Variants in CFAP44 observed in about 807,000 individuals in gnomAD.
CFAP44 encodes cilia and flagella associated protein 44.
In CFAP44, 134 loss-of-function variants were observed where a neutral mutation model predicts 216.2. That is an observed-to-expected ratio of 0.62 (90% confidence interval 0.54 to 0.72). The LOEUF (loss-of-function observed/expected upper bound fraction) is 0.72, where lower values mean the gene tolerates loss of function less well. CFAP44 is among the 30% of genes least tolerant of loss of function. CFAP44 has a pLI of 0.00. For synonymous variants in CFAP44, 700 were observed against 727.6 expected (o/e 0.96, Z 0.61); for missense variants, 2,035 against 2,182.1 (o/e 0.93, Z 1.34).
intron 18 of CFAP44, among the ~76,000 whole-genome samples, chr3:113,366,842 T>G (rs1932949495): frequency 6.6e-6 from 1 of 152,098 alleles, no homozygotes; most frequent in Non-Finnish European, 1.5e-5. Flanking sequence ...CCTGGAAAAA[T>G]GGTACACTTC....
At chr3:113,319,881 A>G (rs944055783) in intron 28 of CFAP44, among the ~76,000 whole-genome samples, 1 of 152,182 alleles carries the variant, frequency 6.6e-6, no homozygotes, top group East Asian at 1.9e-4. Context: ...AATGACAAAG[A>G]TGGCATTACA....
rs1935165919 is a variant in CFAP44 at position 113,433,676 on chromosome 3, G to C, written c.-5-7C>G. The C allele has an allele frequency of 6.3e-7, 1 of 1,597,284 alleles. No individual in the cohort carries two copies. Among genetic ancestry groups the C allele is most frequent in the Admixed American group, 1.7e-5 (1 of 59,834 alleles). ...TCTGGTTCCTTCATTTCCTCTGTAAGTACAAAATGGGGATGAGATATGGAT... is the reference window on the plus strand; with the variant it reads ...TCTGGTTCCTTCATTTCCTCTGTAACTACAAAATGGGGATGAGATATGGAT... On this transcript the variant is annotated splice_region_variant and splice_polypyrimidine_tract_variant and intron_variant, in intron 1 of 34. Transcript: ENST00000393845.
At chr3:113,326,152 T>C (rs551847859) in intron 28 of CFAP44, among the ~76,000 whole-genome samples, 1 of 152,260 alleles carries the variant, frequency 6.6e-6, no homozygotes, top group Non-Finnish European at 1.5e-5. Flanking sequence ...AAGATATACA[T>C]ATGGCAAATA....
intron 22 of CFAP44, among the ~76,000 whole-genome samples, chr3:113,351,730 C>T (rs1459817779): frequency 2.8e-5 from 4 of 142,586 alleles, no homozygotes; most frequent in East Asian, 2.3e-4. Flanking sequence ...TGGAGTTGGG[C>T]GACATGGCTT....
chr3:113,424,968 G>T (rs1404125331), intron 4 of CFAP44, among the ~76,000 whole-genome samples: 1 of 152,158 alleles, frequency 6.6e-6, no homozygotes, highest in Middle Eastern at 3.2e-3. Context: ...TAGCACAGTA[G>T]GTCCCGGAAG....
At chr3:113,409,343 C>G in intron 6 of CFAP44, 21 bp from the exon 7 acceptor site, 1 of 1,597,540 alleles carries the variant, frequency 6.3e-7, no homozygotes, top group Admixed American at 1.7e-5. Flanking sequence ...AAATGGAAGC[C>G]TAATAAATAA....
chr3:113,353,738 G>A (rs900649490), intron 22 of CFAP44, among the ~76,000 whole-genome samples: 1 of 152,164 alleles, frequency 6.6e-6, no homozygotes, highest in African/African-American at 2.4e-5. Context: ...CTGCACGATA[G>A]AGACAGAGGG....
chr3:113,307,368 T>C (rs1949996385), intron 29 of CFAP44, among the ~76,000 whole-genome samples: 2 of 152,228 alleles, frequency 1.3e-5, no homozygotes, highest in Non-Finnish European at 2.9e-5. Flanking sequence ...CATAAATGGC[T>C]GCCTAAGAGA....
chr3:113,391,856 A>G (rs1222437276), intron 15 of CFAP44, among the ~76,000 whole-genome samples: 1 of 152,240 alleles, frequency 6.6e-6, no homozygotes, highest in Non-Finnish European at 1.5e-5. Context: ...ATGATATATC[A>G]TCTCATTCCT....
intron 15 of CFAP44, among the ~76,000 whole-genome samples, chr3:113,393,058 C>T (rs760532446): frequency 3.3e-5 from 5 of 152,122 alleles, no homozygotes; most frequent in Non-Finnish European, 5.9e-5. Context: ...GTACATGGGA[C>T]GCACCCTTAC....
intron 21 of CFAP44, chr3:113,362,922 G>A: frequency 1.6e-6 from 2 of 1,280,048 alleles, no homozygotes; most frequent in Non-Finnish European, 2.0e-6. Flanking sequence ...TATAACAACA[G>A]TTGATGTAAA....
At chr3:113,426,039 T>C in intron 4 of CFAP44, 85 bp downstream of exon 4, 11 of 1,500,338 alleles carry the variant, frequency 7.3e-6, no homozygotes, top group Non-Finnish European at 9.9e-6. Flanking sequence ...GAAGGCACAT[T>C]TGGGCTCCCT....
At chr3:113,295,267 C>CG (rs1949869978) in intron 33 of CFAP44, among the ~76,000 whole-genome samples, 1 of 152,194 alleles carries the variant, frequency 6.6e-6, no homozygotes, top group Non-Finnish European at 1.5e-5. Context: ...ATTGCTCCAT[C>CG]GGTTGCTCAC....
chr3:113,421,065 C>T (rs1934803252), intron 4 of CFAP44, among the ~76,000 whole-genome samples: 1 of 152,120 alleles, frequency 6.6e-6, no homozygotes, highest in Non-Finnish European at 1.5e-5. Flanking sequence ...AGACAACCTA[C>T]AGAATGGGAG....
Position 113,426,014 on chromosome 3 carries a change from T to A in CFAP44, c.407+110A>T, listed in dbSNP as rs1233474253. 4.5e-6 allele frequency: 6 copies of A among 1,335,906 alleles called. No individual in the cohort carries two copies. In the African/African-American group the frequency reaches 8.8e-5, roughly 20 times the overall value. 82.8% of individuals were successfully genotyped at this position (1,335,906 alleles called of 1,614,324 possible). ...GGCTGTGTTGCAATAAAACTTGATT[T>A]ACCAAAACAGGTGGGAAGGCACATT... is the stretch of plus-strand genomic sequence containing the variant. On this transcript the variant is annotated intron_variant, in intron 4 of 34. Transcript: ENST00000393845.
In CFAP44 at chr3:113,404,206, G is replaced by A. The variant is rs1934214792; in HGVS notation, c.1006-190C>T. 15 of 640,608 alleles carry A rather than the reference G, an allele frequency of 2.3e-5. No individual in the cohort carries two copies. The South Asian group carries it at 3.6e-4, about 15-fold the overall frequency. 39.7% of individuals were successfully genotyped at this position (640,608 alleles called of 1,614,324 possible). On this transcript the variant is annotated intron_variant, in intron 8 of 34. Transcript: ENST00000393845. ...ACACAACTACCAATAACATTTTGAT[G>A]TATTTCCTTCCAGCAATATGATCAG...
At chr3:113,313,733 C>T (rs1321381737) in intron 28 of CFAP44, among the ~76,000 whole-genome samples, 197 of 152,094 alleles carry the variant, frequency 1.3e-3, no homozygotes, top group African/African-American at 4.6e-3. Flanking sequence ...CAGGGGTTTC[C>T]ACTTTTGCAT....
intron 28 of CFAP44, among the ~76,000 whole-genome samples, chr3:113,309,351 C>T (rs577715960): frequency 9.9e-5 from 15 of 152,186 alleles, no homozygotes; most frequent in African/African-American, 2.9e-4. Context: ...TGTCCACTGA[C>T]GCCCACTCTG....
intron 22 of CFAP44, 137 bp from the exon 23 acceptor site, chr3:113,344,849 T>C (rs2107822337): frequency 1.3e-6 from 1 of 748,686 alleles, no homozygotes; most frequent in Admixed American, 3.8e-5. Context: ...TTAACATATA[T>C]ATACCAACCA....
Sources: gnomAD v4.1 joint callset for allele counts (sites outside exome capture counted in the v4.1 genomes callset) on GRCh38, gnomAD v4.1.1 for gene constraint, MANE v1.5 for transcripts, NCBI Gene and HGNC (gene_info 2026-07-23, HGNC 2026-07-21) for gene names.